LRRC7: variants seen among roughly 807,000 people sequenced by gnomAD.
The protein encoded by LRRC7 is leucine-rich repeat-containing protein 7.
In LRRC7, 23 loss-of-function variants were observed where a neutral mutation model predicts 175.7. The observed-to-expected ratio is 0.13, with a 90% CI of 0.09 to 0.19. The LOEUF (loss-of-function observed/expected upper bound fraction) is 0.19. Among genes scored for constraint, LRRC7 ranks in the 10% least tolerant of loss-of-function variants. The pLI is 1.00. For missense variants in LRRC7, 1,354 were observed against 1,904.7 expected (o/e 0.71, Z 5.38); for synonymous variants, 685 against 680.9 (o/e 1.01, Z -0.09).
Position 70,091,211 on chromosome 1 carries a change from A to T in LRRC7, c.4545+1392A>T, listed in dbSNP as rs1388632744. On this transcript the variant is annotated intron_variant, in intron 25 of 26. Coordinates refer to ENST00000651989, the MANE Select transcript of LRRC7 (RefSeq NM_001370785.2). Reference sequence around the variant, plus strand: ...ATGATGTTGAGGATACCATTGATTTATTACAATTAAAATATTCATGGCTTA... The same window carrying T: ...ATGATGTTGAGGATACCATTGATTTTTTACAATTAAAATATTCATGGCTTA... Among the ~76,000 whole-genome samples, 3 of 152,180 alleles carry T rather than the reference A, an allele frequency of 2.0e-5. No individual in the cohort carries two copies. In the South Asian group the frequency reaches 6.2e-4, roughly 32 times the overall value.
chr1:70,095,847 A>C (rs942193541), intron 25 of LRRC7, among the ~76,000 whole-genome samples: 11 of 152,250 alleles, frequency 7.2e-5, no homozygotes, highest in Admixed American at 3.3e-4. Context: ...TTAGCTTATC[A>C]ATAAGATCTT....
At chr1:69,608,258 A>C (rs1049243524) in intron 1 of LRRC7, 2 of 152,180 alleles carry the variant, frequency 1.3e-5, no homozygotes, top group African/African-American at 4.8e-5. Context: ...TTAGTCTTCA[A>C]GGCTAATCTG....
At chr1:69,902,256 T>C (rs1433736704) in intron 7 of LRRC7, among the ~76,000 whole-genome samples, 1 of 152,202 alleles carries the variant, frequency 6.6e-6, no homozygotes, top group African/African-American at 2.4e-5. Flanking sequence ...AAATTAGTTA[T>C]CTGGTTGATG....
chr1:70,054,295 G>A (rs1170128907), intron 23 of LRRC7, among the ~76,000 whole-genome samples: 2 of 152,098 alleles, frequency 1.3e-5, no homozygotes, highest in Admixed American at 6.5e-5. Flanking sequence ...TTACAATAAT[G>A]TGTATTAACT....
At chr1:70,037,727 A>G (rs1659443554) in intron 20 of LRRC7, among the ~76,000 whole-genome samples, 2 of 152,194 alleles carry the variant, frequency 1.3e-5, no homozygotes, top group Non-Finnish European at 2.9e-5. Context: ...TAAGAACTAC[A>G]TATTTCCTTC....
At position 70,050,005 on chromosome 1, in the gene LRRC7, A is replaced by C. The variant is rs72676884; in HGVS notation, c.4111-3021A>C. Reference sequence around the variant, plus strand: ...CCACTCTCATATAATTGTAATAATAAGTGTGATTTCACAAGCATACTGTAC... The same window carrying C: ...CCACTCTCATATAATTGTAATAATACGTGTGATTTCACAAGCATACTGTAC... On this transcript the variant is annotated intron_variant, in intron 22 of 26. Coordinates refer to ENST00000651989, the MANE Select transcript of LRRC7 (RefSeq NM_001370785.2). 5.5e-3 allele frequency among the ~76,000 whole-genome samples: 839 copies of C among 152,202 alleles called. 7 individuals carry two copies. The highest frequency in any genetic ancestry group is 0.024 in the Middle Eastern group (7 of 294).
chr1:69,790,346 G>T (rs1156431202), intron 3 of LRRC7, among the ~76,000 whole-genome samples: 1 of 152,002 alleles, frequency 6.6e-6, no homozygotes, highest in East Asian at 1.9e-4. Flanking sequence ...AGGCTGTTCA[G>T]AAGTTTCTGT....
At position 70,099,850 on chromosome 1, in the gene LRRC7, TCAC is replaced by T. The variant is rs201291903; in HGVS notation, c.4546-7898_4546-7896del. Among the ~76,000 whole-genome samples the T allele has an allele frequency of 7.2e-5, 11 of 152,240 alleles. No homozygotes were observed. The East Asian group carries it at 2.1e-3, about 29-fold the overall frequency. On this transcript the variant is annotated intron_variant, in intron 25 of 26. Transcript: ENST00000651989. Reference sequence around the variant, plus strand: ...GTACAAAGCTTAGCAATTCAAATATTCACCACAAGTTGGGGTCCCATATTAAAT... The same window carrying T: ...GTACAAAGCTTAGCAATTCAAATATTCACAAGTTGGGGTCCCATATTAAAT...
At chr1:69,755,299 T>A (rs1485195173) in intron 2 of LRRC7, among the ~76,000 whole-genome samples, 1 of 151,124 alleles carries the variant, frequency 6.6e-6, no homozygotes, top group Non-Finnish European at 1.5e-5. Flanking sequence ...ATGCATCTAT[T>A]CTTGTAATGA....
At chr1:69,616,415 A>C (rs2100285792) in intron 1 of LRRC7, among the ~76,000 whole-genome samples, 1 of 152,218 alleles carries the variant, frequency 6.6e-6, no homozygotes, top group South Asian at 2.1e-4. Flanking sequence ...AATTTTTAGT[A>C]GAATAAAAGT....
At chr1:70,092,217 A>G (rs1664078577) in intron 25 of LRRC7, among the ~76,000 whole-genome samples, 1 of 152,142 alleles carries the variant, frequency 6.6e-6, no homozygotes, top group African/African-American at 2.4e-5. Flanking sequence ...AAAATGTTGA[A>G]AAACAGATTG....
At chr1:69,888,260 A>G (rs1175462529) in intron 7 of LRRC7, among the ~76,000 whole-genome samples, 1 of 152,114 alleles carries the variant, frequency 6.6e-6, no homozygotes, top group Non-Finnish European at 1.5e-5. Flanking sequence ...CTGTGCTAGC[A>G]ATCAGCGAGA....
chr1:69,574,771 A>G (rs1645877456), intron 1 of LRRC7, among the ~76,000 whole-genome samples: 2 of 152,272 alleles, frequency 1.3e-5, no homozygotes, highest in African/African-American at 4.8e-5. Context: ...CTTGGACCAC[A>G]TATTTTGAGC....
intron 7 of LRRC7, among the ~76,000 whole-genome samples, chr1:69,843,805 A>T (rs12733263): frequency 0.48 from 72,388 of 151,958 alleles, 17,569 homozygotes; most frequent in Middle Eastern, 0.59. Flanking sequence ...AAGATATTAG[A>T]TCATGAAAGT....
chr1:69,666,081 T>A (rs1417470273), intron 1 of LRRC7, among the ~76,000 whole-genome samples: 4 of 152,144 alleles, frequency 2.6e-5, no homozygotes, highest in Admixed American at 6.5e-5. Flanking sequence ...ATTGAAATGA[T>A]CATATGGTTT....
chr1:69,607,683 T>TAAGCCC (rs1647835856), intron 1 of LRRC7: 1 of 152,178 alleles, frequency 6.6e-6, no homozygotes, highest in Non-Finnish European at 1.5e-5. Flanking sequence ...TGTGTGTGTT[T>TAAGCCC]ACTAGAAGCC....
rs894671481 is a variant in LRRC7 at position 69,803,127 on chromosome 1, C to T, written c.421+10967C>T. Among the ~76,000 whole-genome samples, 79 of 151,362 alleles carry T rather than the reference C, an allele frequency of 5.2e-4. 1 individual carries two copies. Among genetic ancestry groups the T allele is most frequent in the African/African-American group, 1.9e-3 (77 of 41,368 alleles). ...TGCTCCATTGCCTTATTTGCCGATT[C>T]CTGTGCTATTACAACATTGTTCTAA... On this transcript the variant is annotated intron_variant, in intron 4 of 26. Transcript: ENST00000651989.
intron 1 of LRRC7, among the ~76,000 whole-genome samples, chr1:69,612,317 C>A (rs993075286): frequency 6.6e-6 from 1 of 151,920 alleles, no homozygotes; most frequent in South Asian, 2.1e-4. Context: ...TTCTTGCAAT[C>A]AATAATAATT....
intron 11 of LRRC7, among the ~76,000 whole-genome samples, chr1:70,000,799 T>C (rs2101927234): frequency 6.6e-6 from 1 of 152,340 alleles, no homozygotes; most frequent in Non-Finnish European, 1.5e-5. Context: ...CCAGTAGGTC[T>C]GGGACCTGAA....
Sources: gnomAD v4.1 joint callset for allele counts (sites outside exome capture counted in the v4.1 genomes callset) on GRCh38, gnomAD v4.1.1 for gene constraint, MANE v1.5 for transcripts, NCBI Gene and HGNC (gene_info 2026-07-23, HGNC 2026-07-21) for gene names.